MIR2052HG: variants seen among roughly 807,000 people sequenced by gnomAD.
MIR2052HG encodes MIR2052 host gene.
intron 2 of MIR2052HG, among the ~76,000 whole-genome samples, chr8:74,652,601 C>T (rs1190614472): frequency 6.6e-6 from 1 of 152,048 alleles, no homozygotes; most frequent in Non-Finnish European, 1.5e-5. Context: ...TATATCATGA[C>T]CTTTGATATA....
chr8:74,620,870 G>C (rs1168805100), intron 2 of MIR2052HG, among the ~76,000 whole-genome samples: 1 of 152,190 alleles, frequency 6.6e-6, no homozygotes, highest in Non-Finnish European at 1.5e-5. Context: ...CCCAGAAAAT[G>C]AGTTTTTATT....
chr8:74,649,757 G>A (rs1808733228), intron 2 of MIR2052HG, among the ~76,000 whole-genome samples: 2 of 152,092 alleles, frequency 1.3e-5, no homozygotes. Flanking sequence ...AGAGTTTAGA[G>A]AAGTGCATGT....
chr8:74,614,043 C>T (rs1808240941), intron 2 of MIR2052HG, among the ~76,000 whole-genome samples: 1 of 152,144 alleles, frequency 6.6e-6, no homozygotes, highest in Non-Finnish European at 1.5e-5. Flanking sequence ...ACATCTTCCT[C>T]AAAGTAACAT....
intron 2 of MIR2052HG, among the ~76,000 whole-genome samples, chr8:74,690,954 A>T (rs927854649): frequency 1.2e-4 from 19 of 152,188 alleles, no homozygotes; most frequent in African/African-American, 4.1e-4. Context: ...TATGACGTTT[A>T]TTCACTGAGT....
chr8:74,609,590 T>A (rs1808162302), intron 1 of MIR2052HG: 1 of 151,718 alleles, frequency 6.6e-6, no homozygotes, highest in African/African-American at 2.4e-5. Context: ...ACAGTGATAA[T>A]AAGTCAAAAC....
rs377497297 is a variant in MIR2052HG, at chr8:74,626,306, C to T, written n.216+13366C>T. Among the ~76,000 whole-genome samples, 8 of 152,296 alleles carry T rather than the reference C, an allele frequency of 5.3e-5. No homozygotes were observed. The East Asian group carries it at 1.4e-3, about 26-fold the overall frequency. On this transcript the variant is annotated intron_variant and non_coding_transcript_variant, in intron 2 of 6. Transcript: ENST00000523442. Reference sequence around the variant, plus strand: ...TCATAAAAAATATTTTGCCTCATTTCCTATACCCCTAGGTCCTGGCTTGGC... The same window carrying T: ...TCATAAAAAATATTTTGCCTCATTTTCTATACCCCTAGGTCCTGGCTTGGC...
chr8:74,652,645 C>G (rs146174260), intron 2 of MIR2052HG, among the ~76,000 whole-genome samples: 21 of 152,102 alleles, frequency 1.4e-4, no homozygotes, highest in Non-Finnish European at 2.5e-4. Flanking sequence ...AAATAGGGTT[C>G]TCTGGGGTGG....
At chr8:74,601,360 A>G (rs1268666239) in intron 1 of MIR2052HG, among the ~76,000 whole-genome samples, 1 of 152,128 alleles carries the variant, frequency 6.6e-6, no homozygotes, top group Non-Finnish European at 1.5e-5. Context: ...TGTATAAGAG[A>G]GTGTGCCCAT....
chr8:74,701,778 C>T (rs964050183), intron 2 of MIR2052HG, among the ~76,000 whole-genome samples: 2 of 152,126 alleles, frequency 1.3e-5, no homozygotes, highest in African/African-American at 4.8e-5. Flanking sequence ...TTCTATGGTG[C>T]TTGGCACCAG....
At chr8:74,641,078 T>C (rs1808634759) in intron 2 of MIR2052HG, among the ~76,000 whole-genome samples, 1 of 152,154 alleles carries the variant, frequency 6.6e-6, no homozygotes, top group Non-Finnish European at 1.5e-5. Flanking sequence ...AAAGGGTGAG[T>C]ACGATAATTA....
chr8:74,671,067 TGTC>T (rs1156678117), intron 2 of MIR2052HG, among the ~76,000 whole-genome samples: 1 of 151,902 alleles, frequency 6.6e-6, no homozygotes, highest in African/African-American at 2.4e-5. Flanking sequence ...GTAAAGAGCT[TGTC>T]GTCAAGTCAG....
At chr8:74,734,101 T>A (rs1307288446) in intron 4 of MIR2052HG, among the ~76,000 whole-genome samples, 1 of 152,200 alleles carries the variant, frequency 6.6e-6, no homozygotes, top group East Asian at 1.9e-4. Context: ...AAAGGGCTAA[T>A]ATCCAGAATC....
intron 4 of MIR2052HG, among the ~76,000 whole-genome samples, chr8:74,720,619 T>C (rs1252244614): frequency 6.6e-6 from 1 of 152,226 alleles, no homozygotes; most frequent in Non-Finnish European, 1.5e-5. Flanking sequence ...TGTAGAAATA[T>C]TCCACTTTTG....
At chr8:74,673,141 T>C (rs2128738245) in intron 2 of MIR2052HG, among the ~76,000 whole-genome samples, 1 of 152,196 alleles carries the variant, frequency 6.6e-6, no homozygotes, top group East Asian at 1.9e-4. Flanking sequence ...TTTGGACAGT[T>C]ACGTATTGTT....
At chr8:74,715,284 A>T (rs1460901996) in intron 4 of MIR2052HG, among the ~76,000 whole-genome samples, 1 of 152,178 alleles carries the variant, frequency 6.6e-6, no homozygotes, top group African/African-American at 2.4e-5. Context: ...GACTTGCAGG[A>T]TTCATAAAAT....
intron 4 of MIR2052HG, among the ~76,000 whole-genome samples, chr8:74,721,890 A>G (rs550908967): frequency 1.3e-5 from 2 of 152,338 alleles, no homozygotes; most frequent in South Asian, 4.1e-4. Flanking sequence ...ATGGTTATGC[A>G]GTGATAAAAA....
rs190774570 is a variant in MIR2052HG at position 74,662,441 on chromosome 8, G to T, written n.217-39938G>T. On this transcript the variant is annotated intron_variant and non_coding_transcript_variant, in intron 2 of 6. Transcript: ENST00000523442. ...CACATACTGGGGCCTGCTGAGGGGT[G>T]GGGGGCAAGGGGAGGGAGAGCATTA... Among the ~76,000 whole-genome samples the T allele has an allele frequency of 5.9e-5, 9 of 152,060 alleles. No individual in the cohort carries two copies. The East Asian group carries it at 1.7e-3, about 29-fold the overall frequency.
intron 4 of MIR2052HG, among the ~76,000 whole-genome samples, chr8:74,733,049 C>CATTT (rs71565409): frequency 0.1 from 15,506 of 148,850 alleles, 1,089 homozygotes; most frequent in African/African-American, 0.19. Context: ...AATTAGGAGA[C>CATTT]ATTTATTTAT....
At chr8:74,645,428 G>C (rs1319995573) in intron 2 of MIR2052HG, among the ~76,000 whole-genome samples, 1 of 152,126 alleles carries the variant, frequency 6.6e-6, no homozygotes, top group Non-Finnish European at 1.5e-5. Flanking sequence ...TGGGACTACA[G>C]GCATGTGCCA....
Sources: gnomAD v4.1 joint callset for allele counts (sites outside exome capture counted in the v4.1 genomes callset) on GRCh38, gnomAD v4.1.1 for gene constraint, MANE v1.5 for transcripts, NCBI Gene and HGNC (gene_info 2026-07-23, HGNC 2026-07-21) for gene names.